NEGR1: variants seen among roughly 807,000 people sequenced by gnomAD.
The protein encoded by NEGR1 is IgLON family member 4.
NEGR1 carries 10 observed loss-of-function variants against 40.9 expected under a neutral mutation model. The ratio of observed to expected loss-of-function variants is 0.24; its 90% confidence interval spans 0.15 to 0.42. The LOEUF (loss-of-function observed/expected upper bound fraction) is 0.42, where lower values mean the gene tolerates loss of function less well. NEGR1 is among the 10% of genes least tolerant of loss of function. The pLI, the probability that NEGR1 is intolerant of heterozygous loss-of-function variation, is 1.00. For missense variants in NEGR1, 352 were observed against 438.9 expected, an observed-to-expected ratio of 0.80 and a Z score of 1.77; for synonymous variants, 185 against 166.8, an observed-to-expected ratio of 1.11 and a Z score of -0.84.
Position 71,729,597 on chromosome 1 carries a change from T to A in NEGR1, c.536-31458A>T, listed in dbSNP as rs546548203. ...ATCTAAGAGATTTGCATTGGTAAAT[T>A]AACAAAACTCATTAAGAGATGTAGC... On this transcript the variant is annotated intron_variant, in intron 3 of 6. Coordinates refer to ENST00000357731, the MANE Select transcript of NEGR1 (RefSeq NM_173808.3). Among the ~76,000 whole-genome samples, 4 of 152,194 alleles carry A rather than the reference T, an allele frequency of 2.6e-5. 1 individual carries two copies. In the South Asian group the frequency reaches 8.3e-4, roughly 32 times the overall value.
chr1:72,137,031 C>A (rs1650493853), intron 1 of NEGR1, among the ~76,000 whole-genome samples: 1 of 152,158 alleles, frequency 6.6e-6, no homozygotes, highest in African/African-American at 2.4e-5. Context: ...AAATGCAAAT[C>A]AAAACCACAA....
chr1:72,059,427 C>A (rs952439638), intron 1 of NEGR1, among the ~76,000 whole-genome samples: 1 of 151,574 alleles, frequency 6.6e-6, no homozygotes, highest in Non-Finnish European at 1.5e-5. Flanking sequence ...TTTGCCTTGA[C>A]GTGTCAAGTT....
At chr1:71,690,621 G>C (rs1354244344) in intron 4 of NEGR1, among the ~76,000 whole-genome samples, 1 of 42,014 alleles carries the variant, frequency 2.4e-5, no homozygotes, top group East Asian at 8.0e-4. Flanking sequence ...GAGGGAGACA[G>C]AGAGAGAGAG....
intron 1 of NEGR1, among the ~76,000 whole-genome samples, chr1:72,125,346 C>G (rs1466869336): frequency 6.6e-6 from 1 of 151,934 alleles, no homozygotes; most frequent in African/African-American, 2.4e-5. Context: ...TAAAATGATT[C>G]ACATACTCTA....
chr1:71,515,745 G>A (rs1374150998), intron 6 of NEGR1, among the ~76,000 whole-genome samples: 11 of 138,536 alleles, frequency 7.9e-5, no homozygotes, highest in Admixed American at 4.9e-4. Context: ...AAATGTAAGT[G>A]GACTAAATGC....
chr1:72,175,620 T>A (rs1376797407), intron 1 of NEGR1, among the ~76,000 whole-genome samples: 1 of 152,080 alleles, frequency 6.6e-6, no homozygotes, highest in East Asian at 1.9e-4. Context: ...GTAAAAGTGA[T>A]GATTTATGTT....
At chr1:71,552,403 A>G (rs562857772) in intron 6 of NEGR1, among the ~76,000 whole-genome samples, 53 of 149,636 alleles carry the variant, frequency 3.5e-4, no homozygotes, top group Middle Eastern at 7.0e-3. Flanking sequence ...TAGGCCCACA[A>G]ATTCATACTT....
chr1:71,867,340 C>T (rs914049157), intron 2 of NEGR1, among the ~76,000 whole-genome samples: 9 of 152,158 alleles, frequency 5.9e-5, no homozygotes, highest in African/African-American at 2.2e-4. Flanking sequence ...TGCCACTGAA[C>T]CGCCACCCTG....
At chr1:72,103,242 T>A (rs750711202) in intron 1 of NEGR1, among the ~76,000 whole-genome samples, 2 of 152,136 alleles carry the variant, frequency 1.3e-5, no homozygotes, top group Non-Finnish European at 1.5e-5. Flanking sequence ...TATGGTACTA[T>A]GCTCCACTGA....
intron 6 of NEGR1, among the ~76,000 whole-genome samples, chr1:71,451,298 C>T (rs1646626073): frequency 6.6e-6 from 1 of 151,486 alleles, no homozygotes; most frequent in African/African-American, 2.4e-5. Context: ...CAGGAAAGAA[C>T]CAGTGCAACT....
chr1:72,023,622 A>G (rs779299468), intron 1 of NEGR1, among the ~76,000 whole-genome samples: 6 of 150,748 alleles, frequency 4.0e-5, no homozygotes, highest in Non-Finnish European at 8.9e-5. Context: ...TCCATACTAG[A>G]TTACAATCCA....
At chr1:71,586,390 A>G (rs568272631) in intron 6 of NEGR1, among the ~76,000 whole-genome samples, 37 of 152,300 alleles carry the variant, frequency 2.4e-4, no homozygotes, top group Non-Finnish European at 4.7e-4. Context: ...TTTGTCTCCA[A>G]CTTAACCAAA....
chr1:71,982,230 T>G (rs181862396), intron 1 of NEGR1, among the ~76,000 whole-genome samples: 2 of 152,210 alleles, frequency 1.3e-5, no homozygotes, highest in Non-Finnish European at 2.9e-5. Context: ...TGGGCTTATC[T>G]TGAACCTTAA....
intron 4 of NEGR1, among the ~76,000 whole-genome samples, chr1:71,642,441 T>A (rs1169320590): frequency 6.7e-6 from 1 of 149,898 alleles, no homozygotes; most frequent in Non-Finnish European, 1.5e-5. Context: ...AGAGAAAAAA[T>A]TGGGGGGGAG....
At chr1:72,025,009 C>T (rs1226950391) in intron 1 of NEGR1, among the ~76,000 whole-genome samples, 1 of 152,114 alleles carries the variant, frequency 6.6e-6, no homozygotes, top group African/African-American at 2.4e-5. Context: ...CATAGACCTC[C>T]TGAAATGATT....
intron 1 of NEGR1, among the ~76,000 whole-genome samples, chr1:72,201,817 T>G (rs969231232): frequency 2.6e-5 from 4 of 151,978 alleles, no homozygotes; most frequent in African/African-American, 9.7e-5. Flanking sequence ...AATATAAAAT[T>G]GGAATGGTCC....
At chr1:71,636,207 T>A (rs936435326) in intron 4 of NEGR1, among the ~76,000 whole-genome samples, 1 of 152,044 alleles carries the variant, frequency 6.6e-6, no homozygotes, top group Non-Finnish European at 1.5e-5. Flanking sequence ...TTGTTGGCCT[T>A]GCCAAAATGG....
chr1:71,445,738 A>G (rs952344178), intron 6 of NEGR1, among the ~76,000 whole-genome samples: 6 of 152,246 alleles, frequency 3.9e-5, no homozygotes, highest in African/African-American at 1.4e-4. Context: ...CGTACCAGCA[A>G]GCAATTGGCT....
rs146261622 is a variant in NEGR1 at position 71,432,304 on chromosome 1, G to T, written c.941-24734C>A. On this transcript the variant is annotated intron_variant, in intron 6 of 6. Transcript: ENST00000357731. ...ATATTAGCAATTGCTCTTTTTTAAAGAAATTATTTTATTGTATATATTTAA... is the reference window on the plus strand; with the variant it reads ...ATATTAGCAATTGCTCTTTTTTAAATAAATTATTTTATTGTATATATTTAA... Among the ~76,000 whole-genome samples the T allele has an allele frequency of 2.2e-3, 332 of 152,258 alleles. 1 individual carries two copies. The highest frequency in any genetic ancestry group is 7.6e-3 in the African/African-American group (317 of 41,544).
Sources: allele counts gnomAD v4.1 joint callset (sites outside exome capture counted in the v4.1 genomes callset), GRCh38; gene constraint gnomAD v4.1.1; transcripts MANE v1.5; gene names NCBI Gene and HGNC (gene_info 2026-07-23, HGNC 2026-07-21).